CAMTA1: variants seen among roughly 807,000 people sequenced by gnomAD.
The protein encoded by CAMTA1 is calmodulin-binding transcription activator 1.
A neutral mutation model predicts 170.9 loss-of-function variants in CAMTA1; 27 were observed. The observed-to-expected ratio is 0.16, with a 90% CI of 0.12 to 0.22. The LOEUF is 0.22. CAMTA1 is among the 10% of genes least tolerant of loss of function. The probability of loss-of-function intolerance (pLI) is 1.00; values close to 1 mark genes in which losing one functional copy is unlikely to be tolerated. For synonymous variants in CAMTA1, 833 were observed against 891.5 expected (o/e 0.93, Z 1.17); for missense variants, 1,619 against 2,217.2 (o/e 0.73, Z 5.42).
At position 7,234,842 on chromosome 1, in the gene CAMTA1, G is replaced by A. The variant is rs1239073788; in HGVS notation, c.303-14649G>A. Among the ~76,000 whole-genome samples, 9 of 149,562 alleles carry A rather than the reference G, an allele frequency of 6.0e-5. No individual in the cohort carries two copies. The highest frequency in any genetic ancestry group is 4.4e-5 in the Non-Finnish European group (3 of 67,702). ...CACTTTGTCACCCAGGCTGGAGTGC[G>A]GTGGTGTGATCATAGCTCACTGCAA... is the stretch of plus-strand genomic sequence containing the variant. On this transcript the variant is annotated intron_variant, in intron 4 of 22. Coordinates refer to ENST00000303635, the MANE Select transcript of CAMTA1 (RefSeq NM_015215.4). The surrounding 1 kb of genome is among the most constrained non-coding windows in gnomAD (Gnocchi z 5.0).
intron 19 of CAMTA1, among the ~76,000 whole-genome samples, chr1:7,749,974 T>C (rs564706583): frequency 1.3e-5 from 2 of 151,932 alleles, no homozygotes; most frequent in Non-Finnish European, 2.9e-5. Flanking sequence ...TCAGCTGGAG[T>C]GGGTTTCGAC....
intron 3 of CAMTA1, among the ~76,000 whole-genome samples, chr1:6,905,665 C>T (rs1054588264): frequency 6.6e-6 from 1 of 152,174 alleles, no homozygotes; most frequent in African/African-American, 2.4e-5. Context: ...TTAAACTCTC[C>T]CTCTTCTCTG....
At chr1:7,058,191 T>C (rs899301517) in intron 3 of CAMTA1, among the ~76,000 whole-genome samples, 10 of 152,176 alleles carry the variant, frequency 6.6e-5, no homozygotes, top group Non-Finnish European at 1.5e-5. Flanking sequence ...GCATCTAGAA[T>C]GTCCAGGACA....
intron 11 of CAMTA1, among the ~76,000 whole-genome samples, chr1:7,678,189 G>C (rs1403156636): frequency 6.6e-6 from 1 of 152,266 alleles, no homozygotes; most frequent in Non-Finnish European, 1.5e-5. Context: ...GAAAGAGGAC[G>C]GGGAGGCAGC....
intron 6 of CAMTA1, among the ~76,000 whole-genome samples, chr1:7,578,486 G>A (rs1339650000): frequency 6.6e-6 from 1 of 152,232 alleles, no homozygotes; most frequent in African/African-American, 2.4e-5. Flanking sequence ...TGCCACTGGG[G>A]AAGGGCTGGC....
At chr1:7,161,733 G>A (rs1358264008) in intron 4 of CAMTA1, among the ~76,000 whole-genome samples, 1 of 152,192 alleles carries the variant, frequency 6.6e-6, no homozygotes, top group East Asian at 1.9e-4. Flanking sequence ...TCTTGGGTAT[G>A]TCTTTATCAA....
At chr1:6,879,092 T>C (rs537861048) in intron 3 of CAMTA1, among the ~76,000 whole-genome samples, 4 of 152,184 alleles carry the variant, frequency 2.6e-5, no homozygotes, top group Admixed American at 1.3e-4. Context: ...GGAAGTAGAG[T>C]TTCCGCTTGA....
chr1:6,870,718 C>T (rs1330446997), intron 3 of CAMTA1, among the ~76,000 whole-genome samples: 1 of 152,146 alleles, frequency 6.6e-6, no homozygotes, highest in Non-Finnish European at 1.5e-5. Context: ...TGGTTATGCT[C>T]CTGCCATTTA....
intron 11 of CAMTA1, among the ~76,000 whole-genome samples, chr1:7,688,642 C>T (rs980728572): frequency 7.9e-5 from 12 of 152,130 alleles, no homozygotes; most frequent in Admixed American, 6.5e-4. Context: ...TCCTAGTGGT[C>T]CTGAGCAAGG....
intron 6 of CAMTA1, among the ~76,000 whole-genome samples, chr1:7,611,682 C>G (rs185094447): frequency 6.6e-6 from 1 of 152,202 alleles, no homozygotes; most frequent in Admixed American, 6.5e-5. Context: ...ACTATCAGAC[C>G]CTTACTGTAC....
At chr1:7,187,442 C>T (rs372402851) in intron 4 of CAMTA1, among the ~76,000 whole-genome samples, 9 of 151,796 alleles carry the variant, frequency 5.9e-5, no homozygotes, top group East Asian at 5.8e-4. Flanking sequence ...TTTTTAACGT[C>T]GTTACTTAAC....
chr1:7,253,174 T>C (rs892087955), intron 5 of CAMTA1, among the ~76,000 whole-genome samples: 5 of 152,112 alleles, frequency 3.3e-5, no homozygotes, highest in African/African-American at 1.2e-4. Context: ...CCCATACAGA[T>C]TTATGCCAGC....
In CAMTA1 at chr1:7,052,665, C is replaced by A. The variant is rs538225223; in HGVS notation, c.235-38639C>A. Among the ~76,000 whole-genome samples the A allele has an allele frequency of 8.2e-4, 125 of 152,280 alleles. 1 individual carries two copies. The highest frequency in any genetic ancestry group is 1.5e-3 in the Non-Finnish European group (104 of 68,020). The stretch of plus-strand genomic sequence containing the variant: ...CGTCCAGCTCTACTCATACCTGGTT[C>A]TCCTCTTGGGCTGTGCCCACACCCG... On this transcript the variant is annotated intron_variant, in intron 3 of 22. Transcript: ENST00000303635.
At chr1:6,853,977 T>C (rs747170953) in intron 3 of CAMTA1, among the ~76,000 whole-genome samples, 2 of 152,206 alleles carry the variant, frequency 1.3e-5, no homozygotes, top group Non-Finnish European at 2.9e-5. Context: ...AGTTTTAATA[T>C]ACCGTCTTCA....
chr1:7,568,036 G>C (rs993513840), intron 6 of CAMTA1, among the ~76,000 whole-genome samples: 3 of 152,100 alleles, frequency 2.0e-5, no homozygotes, highest in African/African-American at 7.2e-5. Flanking sequence ...CAGATATAAG[G>C]TGATCAATAA....
intron 6 of CAMTA1, among the ~76,000 whole-genome samples, chr1:7,610,550 G>A (rs2150672169): frequency 6.6e-6 from 1 of 152,326 alleles, no homozygotes; most frequent in South Asian, 2.1e-4. Context: ...GTTCTAGCCT[G>A]GTTCTGCCAT....
chr1:7,310,700 C>CTCTTTCTTTCTTTCTTTCTTTCTTTCTT (rs71571885), intron 5 of CAMTA1, among the ~76,000 whole-genome samples: 1 of 53,458 alleles, frequency 1.9e-5, no homozygotes, highest in African/African-American at 1.3e-4. Context: ...CTCTCTCTCT[C>CTCTTTCTTTCTTTCTTTCTTTCTTTCTT]TCTTTCTTTC....
At position 6,900,310 on chromosome 1, in the gene CAMTA1, C is replaced by T. The variant is rs1344842795; in HGVS notation, c.234+75100C>T. On this transcript the variant is annotated intron_variant, in intron 3 of 22. Coordinates refer to ENST00000303635, the MANE Select transcript of CAMTA1 (RefSeq NM_015215.4). ...GCCACCAGAGTTTCTTGATGGTGGC[C>T]TCCCGTTCCCGTGCAATGAGACAGC... Among the ~76,000 whole-genome samples the T allele has an allele frequency of 2.6e-5, 4 of 151,380 alleles. No individual in the cohort carries two copies. The South Asian group carries it at 8.5e-4, about 32-fold the overall frequency.
Position 7,664,543 on chromosome 1 carries a change from A to C in CAMTA1, c.1996A>C (p.Ile666Leu), listed in dbSNP as rs1222520246. 6.2e-7 allele frequency: 1 copy of C among 1,613,182 alleles called. No homozygotes were observed. Among genetic ancestry groups the C allele is most frequent in the Non-Finnish European group, 8.5e-7 (1 of 1,180,034 alleles). Reference protein sequence around the residue: ...SSCSGHVETRIESTSSLHLMQ... With the variant: ...SSCSGHVETRLESTSSLHLMQ... The stretch of plus-strand genomic sequence containing the variant: ...CTGCAGCGGTCACGTGGAGACGCGG[A>C]TCGAGTCCACTTCCTCCCTCCACCT... The change falls in exon 9 of 23, where the codon ATC (isoleucine) becomes CTC (leucine). Residue 666 changes from isoleucine to leucine, a missense_variant. Ile to Leu is a conservative substitution (Grantham distance 5). Transcript: ENST00000303635.
Sources: gnomAD v4.1 joint callset for allele counts (sites outside exome capture counted in the v4.1 genomes callset) on GRCh38, gnomAD v4.1.1 for gene constraint, Gnocchi (gnomAD v3.1) non-coding constraint, MANE v1.5 for transcripts, NCBI Gene and HGNC (gene_info 2026-07-23, HGNC 2026-07-21) for gene names.